The following TSPAN18 variants were observed in gnomAD, a reference collection of about 807,000 sequenced individuals.
TSPAN18 encodes the protein tetraspanin-18.
A neutral mutation model predicts 27.3 loss-of-function variants in TSPAN18; 14 were observed. The ratio of observed to expected loss-of-function variants is 0.51; its 90% confidence interval spans 0.34 to 0.80. The LOEUF is 0.80. Ranked by LOEUF, TSPAN18 falls within the 30% of genes least tolerant of loss-of-function variation. The pLI, the probability that TSPAN18 is intolerant of heterozygous loss-of-function variation, is 0.01. For synonymous variants in TSPAN18, 143 were observed against 136.5 expected (o/e 1.05, Z -0.33); for missense variants, 268 against 323.9 (o/e 0.83, Z 1.32).
intron 2 of TSPAN18, among the ~76,000 whole-genome samples, chr11:44,765,349 A>C (rs376646349): frequency 9.2e-5 from 14 of 152,276 alleles, no homozygotes; most frequent in African/African-American, 3.1e-4. Context: ...GGGGATCTGA[A>C]AACTCCGAGG....
At chr11:44,746,512 T>C (rs1455313504) in intron 1 of TSPAN18, among the ~76,000 whole-genome samples, 1 of 152,174 alleles carries the variant, frequency 6.6e-6, no homozygotes, top group African/African-American at 2.4e-5. Flanking sequence ...CCTAACACTT[T>C]GAGAGGTGAG....
intron 2 of TSPAN18, among the ~76,000 whole-genome samples, chr11:44,827,304 C>T (rs1188957325): frequency 1.3e-5 from 2 of 152,230 alleles, no homozygotes; most frequent in Admixed American, 6.5e-5. Flanking sequence ...GGGAAGCCAG[C>T]AGACGGAACA....
chr11:44,790,086 G>A (rs946004861), intron 2 of TSPAN18, among the ~76,000 whole-genome samples: 1 of 152,206 alleles, frequency 6.6e-6, no homozygotes, highest in African/African-American at 2.4e-5. Context: ...CTGGTGGGTC[G>A]GGGCAGCAGC....
intron 2 of TSPAN18, among the ~76,000 whole-genome samples, chr11:44,806,573 A>G (rs1387174620): frequency 6.6e-6 from 1 of 152,242 alleles, no homozygotes; most frequent in African/African-American, 2.4e-5. Flanking sequence ...ATAACTGCTT[A>G]AGGACAACAC....
At chr11:44,757,129 C>T (rs1451676452) in intron 1 of TSPAN18, among the ~76,000 whole-genome samples, 2 of 152,176 alleles carry the variant, frequency 1.3e-5, no homozygotes, top group Non-Finnish European at 2.9e-5. Flanking sequence ...ATTGCTGGAT[C>T]ACATGGTAAT....
At chr11:44,898,999 G>C (rs1186777615) in intron 3 of TSPAN18, among the ~76,000 whole-genome samples, 2 of 152,194 alleles carry the variant, frequency 1.3e-5, no homozygotes. Context: ...CCCATGGCCA[G>C]ATGAGGGTTG....
At chr11:44,790,564 GTGTGTGTGTGCA>G (rs1856191890) in intron 2 of TSPAN18, among the ~76,000 whole-genome samples, 1 of 141,478 alleles carries the variant, frequency 7.1e-6, no homozygotes, top group Non-Finnish European at 1.6e-5. Flanking sequence ...GCATGTGTTC[GTGTGTGTGTGCA>G]TGTGTGTGCA....
intron 2 of TSPAN18, among the ~76,000 whole-genome samples, chr11:44,780,370 T>C (rs1855910562): frequency 6.6e-6 from 1 of 152,216 alleles, no homozygotes; most frequent in South Asian, 2.1e-4. Flanking sequence ...GATGGGAAGG[T>C]TGAGACAGGG....
intron 2 of TSPAN18, among the ~76,000 whole-genome samples, chr11:44,801,444 C>T (rs1383036701): frequency 6.6e-6 from 1 of 152,224 alleles, no homozygotes; most frequent in Non-Finnish European, 1.5e-5. Context: ...ATCTCCTTAT[C>T]TGCCAGCACA....
chr11:44,908,056 G>GAA (rs386373739), intron 4 of TSPAN18, among the ~76,000 whole-genome samples: 4 of 124,972 alleles, frequency 3.2e-5, no homozygotes, highest in Admixed American at 8.3e-5. Flanking sequence ...CTCCGTCTCA[G>GAA]AAAAAAAAAA....
intron 2 of TSPAN18, among the ~76,000 whole-genome samples, chr11:44,808,605 G>A (rs1856651334): frequency 6.6e-6 from 1 of 152,138 alleles, no homozygotes; most frequent in Admixed American, 6.5e-5. Flanking sequence ...AGGGAGGTGA[G>A]GACGTGGAAC....
At chr11:44,824,642 C>T (rs761734798) in intron 2 of TSPAN18, among the ~76,000 whole-genome samples, 2 of 152,254 alleles carry the variant, frequency 1.3e-5, no homozygotes, top group African/African-American at 2.4e-5. Flanking sequence ...CAGGGGCCCA[C>T]GGGCCTGTGC....
intron 5 of TSPAN18, among the ~76,000 whole-genome samples, chr11:44,911,058 G>A (rs1266178964): frequency 3.3e-5 from 5 of 152,216 alleles, no homozygotes; most frequent in Non-Finnish European, 7.3e-5. Flanking sequence ...CTGCTTTCCT[G>A]TGCTGGGTGG....
chr11:44,875,861 G>A (rs774458388), intron 3 of TSPAN18, among the ~76,000 whole-genome samples: 11 of 152,328 alleles, frequency 7.2e-5, no homozygotes, highest in Non-Finnish European at 1.3e-4. Flanking sequence ...CTTAATGAAT[G>A]GTAGGTGATA....
At chr11:44,896,457 C>G (rs1223613274) in intron 3 of TSPAN18, among the ~76,000 whole-genome samples, 1 of 152,114 alleles carries the variant, frequency 6.6e-6, no homozygotes, top group Non-Finnish European at 1.5e-5. Flanking sequence ...CTCACGCATG[C>G]CAGCACTGTA....
chr11:44,758,186 A>C (rs974983355), intron 1 of TSPAN18, among the ~76,000 whole-genome samples: 2 of 152,148 alleles, frequency 1.3e-5, no homozygotes, highest in African/African-American at 2.4e-5. Flanking sequence ...GCTGTTTGCT[A>C]TGGGTTTTTC....
At chr11:44,763,547 G>T (rs988270305) in intron 1 of TSPAN18, among the ~76,000 whole-genome samples, 1 of 151,972 alleles carries the variant, frequency 6.6e-6, no homozygotes, top group Non-Finnish European at 1.5e-5. Flanking sequence ...AAAGTGTTGG[G>T]TCTGCCCAAA....
intron 3 of TSPAN18, among the ~76,000 whole-genome samples, chr11:44,883,871 G>T (rs149768285): frequency 6.6e-6 from 1 of 152,332 alleles, no homozygotes; most frequent in African/African-American, 2.4e-5. Context: ...CTGTGCCTTG[G>T]TTCCTCATTT....
intron 6 of TSPAN18, 58 bp from the exon 7 acceptor site, chr11:44,919,156 A>G: frequency 7.4e-7 from 1 of 1,355,306 alleles, no homozygotes; most frequent in South Asian, 1.2e-5. Flanking sequence ...GAGACGATGG[A>G]GGGTGGGGGC....
Sources: allele counts gnomAD v4.1 joint callset (sites outside exome capture counted in the v4.1 genomes callset), GRCh38; gene constraint gnomAD v4.1.1; transcripts MANE v1.5; gene names NCBI Gene and HGNC (gene_info 2026-07-23, HGNC 2026-07-21).